Variants in ARHGAP10 observed in about 807,000 individuals in gnomAD.
ARHGAP10 encodes the protein Rho GTPase activating protein 10.
ARHGAP10 carries 87 observed loss-of-function variants against 108.6 expected under a neutral mutation model. The observed-to-expected ratio is 0.80, with a 90% confidence interval of 0.67 to 0.96. The LOEUF (loss-of-function observed/expected upper bound fraction) is 0.96. Ranked by LOEUF, ARHGAP10 falls within the 40% of genes least tolerant of loss-of-function variation. The pLI is 0.00. For synonymous variants in ARHGAP10, 347 were observed against 341.1 expected (o/e 1.02, Z -0.19); for missense variants, 939 against 954.5 (o/e 0.98, Z 0.21).
intron 10 of ARHGAP10, among the ~76,000 whole-genome samples, chr4:147,898,844 G>A (rs1176578241): frequency 6.7e-6 from 1 of 149,386 alleles, no homozygotes; most frequent in Admixed American, 6.7e-5. Flanking sequence ...GGTGGGATGG[G>A]TTGAGGAACT....
rs963651648 is a variant in ARHGAP10, at chr4:147,919,672, G to A, written c.1228+6533G>A. On this transcript the variant is annotated intron_variant, in intron 13 of 22. Transcript: ENST00000336498. ...AGTGCAGCCTCCGTCTCCGCCTCCC[G>A]GGTTCAAGTGATTCTTCTACCTCAG... Among the ~76,000 whole-genome samples the A allele has an allele frequency of 5.9e-5, 9 of 152,062 alleles. No homozygotes were observed. The East Asian group carries it at 9.7e-4, about 16-fold the overall frequency.
At chr4:147,883,886 G>T (rs552338397) in intron 10 of ARHGAP10, among the ~76,000 whole-genome samples, 2 of 151,978 alleles carry the variant, frequency 1.3e-5, no homozygotes, top group Admixed American at 1.3e-4. Flanking sequence ...GTACAGACAG[G>T]GTTTTGCTAT....
chr4:147,770,276 GTCTGTAATC>G (rs1730022148), intron 1 of ARHGAP10, among the ~76,000 whole-genome samples: 1 of 152,186 alleles, frequency 6.6e-6, no homozygotes, highest in Admixed American at 6.5e-5. Context: ...GTTCACGCCT[GTCTGTAATC>G]CCAGCACTTT....
chr4:147,800,437 C>T (rs1399658717), intron 1 of ARHGAP10, among the ~76,000 whole-genome samples: 1 of 152,144 alleles, frequency 6.6e-6, no homozygotes, highest in Non-Finnish European at 1.5e-5. Context: ...TATGTCGAGG[C>T]TCCCCTAGTT....
intron 18 of ARHGAP10, among the ~76,000 whole-genome samples, chr4:147,977,767 A>G (rs764094042): frequency 2.0e-5 from 3 of 152,132 alleles, no homozygotes; most frequent in African/African-American, 4.8e-5. Flanking sequence ...TGGTGAACAT[A>G]GTACTCAACA....
intron 18 of ARHGAP10, among the ~76,000 whole-genome samples, chr4:147,973,673 C>T (rs1578748461): frequency 6.6e-6 from 1 of 152,078 alleles, no homozygotes; most frequent in East Asian, 1.9e-4. Flanking sequence ...ATCCCTGCTC[C>T]CCCCGCCACT....
intron 12 of ARHGAP10, among the ~76,000 whole-genome samples, chr4:147,912,044 GTTTTC>G (rs1359427998): frequency 9.1e-5 from 12 of 132,530 alleles, no homozygotes; most frequent in Admixed American, 8.8e-4. Context: ...TGTGTGTATA[GTTTTC>G]TTTAACTGAG....
intron 5 of ARHGAP10, chr4:147,861,091 G>A (rs1734296570): frequency 6.6e-6 from 1 of 152,260 alleles, no homozygotes; most frequent in Non-Finnish European, 1.5e-5. Context: ...GGCTGCACTC[G>A]GCTTGTGCTA....
rs143292020 is a variant in ARHGAP10 at position 148,063,190 on chromosome 4, A to C, written c.2070A>C (p.Pro690=). 3.3e-4 allele frequency: 528 copies of C among 1,614,078 alleles called. 2 individuals are homozygous for C. In the African/African-American group the frequency reaches 5.7e-3, roughly 17 times the overall value. The change falls in exon 21 of 23, where the codon CCA becomes CCC. Residue 690 remains proline, a synonymous_variant. Transcript: ENST00000336498. ...CGTCTATGGTCCAGTGGCTTAACCC[A>C]CAGTCTCCAACCACAACAAGCTCCA... ...TRSSMVQWLN[P]QSPTTTSSNS...
intron 19 of ARHGAP10, among the ~76,000 whole-genome samples, chr4:148,036,772 GT>G (rs1728396716): frequency 6.6e-6 from 1 of 152,172 alleles, no homozygotes; most frequent in Admixed American, 6.5e-5. Context: ...CTTGTTAGGG[GT>G]TGATTGGGTT....
intron 13 of ARHGAP10, among the ~76,000 whole-genome samples, chr4:147,930,326 G>A (rs574324422): frequency 2.6e-5 from 4 of 151,888 alleles, no homozygotes; most frequent in Non-Finnish European, 5.9e-5. Flanking sequence ...TTTTATTTCC[G>A]TATTTCCCTT....
chr4:147,936,118 T>TAA (rs1737922268), intron 13 of ARHGAP10, among the ~76,000 whole-genome samples: 12 of 152,172 alleles, frequency 7.9e-5, no homozygotes, highest in Admixed American at 7.9e-4. Flanking sequence ...TTAAGCTTTC[T>TAA]TAGCTAGAGT....
Position 147,923,737 on chromosome 4 carries a change from G to T in ARHGAP10, c.1228+10598G>T, listed in dbSNP as rs187134518. ...TTTTAGATTTTTGGAAAACCTTACC[G>T]CTTGAAGATTGCTTTGCCTCCAGAG... On this transcript the variant is annotated intron_variant, in intron 13 of 22. Transcript: ENST00000336498. 6.8e-4 allele frequency among the ~76,000 whole-genome samples: 103 copies of T among 152,286 alleles called. 1 individual carries two copies. The highest frequency in any genetic ancestry group is 2.0e-3 in the Admixed American group (31 of 15,288).
At chr4:147,912,923 C>T (rs1736816472) in intron 12 of ARHGAP10, 151 bp from the exon 13 acceptor site, 1 of 690,790 alleles carries the variant, frequency 1.4e-6, no homozygotes, top group African/African-American at 1.8e-5. Context: ...GGTGGGATTA[C>T]AGGTGTGAGC....
At chr4:147,732,600 G>C (rs908075777) in intron 1 of ARHGAP10, 145 bp downstream of exon 1, 1 of 1,164,982 alleles carries the variant, frequency 8.6e-7, no homozygotes, top group African/African-American at 1.6e-5. Flanking sequence ...AGCTCTCTCG[G>C]AACCCCGGGG....
chr4:147,985,010 C>G (rs1041791600), intron 18 of ARHGAP10, among the ~76,000 whole-genome samples: 3 of 152,084 alleles, frequency 2.0e-5, no homozygotes, highest in Admixed American at 2.0e-4. Flanking sequence ...TAGAGATGTG[C>G]CTAGGTGTGG....
At chr4:148,051,872 A>G (rs564515267) in intron 20 of ARHGAP10, among the ~76,000 whole-genome samples, 1 of 152,274 alleles carries the variant, frequency 6.6e-6, no homozygotes, top group African/African-American at 2.4e-5. Flanking sequence ...ACTGGTAACC[A>G]TTTTTATTCT....
intron 1 of ARHGAP10, among the ~76,000 whole-genome samples, chr4:147,820,745 C>T (rs1373534374): frequency 6.6e-6 from 1 of 151,872 alleles, no homozygotes; most frequent in Non-Finnish European, 1.5e-5. Flanking sequence ...CATGCACCAC[C>T]ATGTCCAGCT....
chr4:147,864,615 CT>C (rs762598723), intron 5 of ARHGAP10: 3 of 405,316 alleles, frequency 7.4e-6, no homozygotes, highest in African/African-American at 2.1e-5. Flanking sequence ...ATATTTTAGA[CT>C]TCTGTGGACC....
Sources: gnomAD v4.1 joint callset for allele counts (sites outside exome capture counted in the v4.1 genomes callset) on GRCh38, gnomAD v4.1.1 for gene constraint, MANE v1.5 for transcripts, NCBI Gene and HGNC (gene_info 2026-07-23, HGNC 2026-07-21) for gene names.